MAGI2: variants seen among roughly 807,000 people sequenced by gnomAD.
MAGI2 encodes membrane associated guanylate kinase, WW and PDZ domain containing 2, also known as membrane-associated guanylate kinase, WW and PDZ domain-containing protein 2.
A neutral mutation model predicts 133.3 loss-of-function variants in MAGI2; 35 were observed. The ratio of observed to expected loss-of-function variants is 0.26; its 90% CI spans 0.20 to 0.35. The LOEUF (loss-of-function observed/expected upper bound fraction) is 0.35. Ranked by LOEUF, MAGI2 falls within the 10% of genes least tolerant of loss-of-function variation. The pLI, the probability that MAGI2 is intolerant of heterozygous loss-of-function variation, is 1.00. For missense variants in MAGI2, 1,636 were observed against 1,863.4 expected, an observed-to-expected ratio of 0.88 and a Z score of 2.25; for synonymous variants, 729 against 710.6, an observed-to-expected ratio of 1.03 and a Z score of -0.41.
chr7:79,285,120 C>T (rs1835908560), intron 1 of MAGI2, among the ~76,000 whole-genome samples: 1 of 151,984 alleles, frequency 6.6e-6, no homozygotes. Flanking sequence ...AAATTACACT[C>T]CATCTAAAAT....
chr7:78,385,997 C>T (rs200715335), intron 6 of MAGI2, among the ~76,000 whole-genome samples: 1 of 150,982 alleles, frequency 6.6e-6, no homozygotes, highest in Non-Finnish European at 1.5e-5. Context: ...AGCAAAACTT[C>T]CCCCCCTAGC....
Position 79,327,999 on chromosome 7 carries a change from T to C in MAGI2, c.301+125021A>G, listed in dbSNP as rs147421335. On this transcript the variant is annotated intron_variant, in intron 1 of 21. Coordinates refer to ENST00000354212, the MANE Select transcript of MAGI2 (RefSeq NM_012301.4). ...GGTATGAAAATTTCAATATATATCA[T>C]AACTTATTTAACTGGCCGTCCTCTG... is the stretch of plus-strand genomic sequence containing the variant. Among the ~76,000 whole-genome samples the C allele has an allele frequency of 2.9e-3, 447 of 152,292 alleles. 2 individuals are homozygous for C. The highest frequency in any genetic ancestry group is 4.6e-3 in the Admixed American group (71 of 15,272).
intron 10 of MAGI2, among the ~76,000 whole-genome samples, chr7:78,204,409 G>C (rs1418615549): frequency 6.6e-6 from 1 of 152,062 alleles, no homozygotes; most frequent in Non-Finnish European, 1.5e-5. Context: ...TTTTCATAGG[G>C]AAACAGGAAC....
At position 78,409,935 on chromosome 7, in the gene MAGI2, T is replaced by G. The variant is rs112354796; in HGVS notation, c.1046-40722A>C. Among the ~76,000 whole-genome samples the G allele has an allele frequency of 2.8e-3, 428 of 152,188 alleles. 2 individuals carry two copies. Among genetic ancestry groups the G allele is most frequent in the Non-Finnish European group, 3.6e-3 (247 of 67,978 alleles). On this transcript the variant is annotated intron_variant, in intron 6 of 21. Transcript: ENST00000354212. ...ATGTAAAATGTTAACTAGTTTGCTATATTTGATTAGAAAGAGTAGAAAAGA... is the reference window on the plus strand; with the variant it reads ...ATGTAAAATGTTAACTAGTTTGCTAGATTTGATTAGAAAGAGTAGAAAAGA...
chr7:78,937,494 A>G (rs1162501364), intron 2 of MAGI2, among the ~76,000 whole-genome samples: 1 of 152,172 alleles, frequency 6.6e-6, no homozygotes, highest in Non-Finnish European at 1.5e-5. Context: ...GTATTTTCAC[A>G]GTCTCCAAGT....
chr7:78,575,325 G>T (rs1322688221), intron 3 of MAGI2, among the ~76,000 whole-genome samples: 1 of 151,974 alleles, frequency 6.6e-6, no homozygotes, highest in Non-Finnish European at 1.5e-5. Flanking sequence ...ATTACTTTTT[G>T]CACCAACCTA....
At chr7:78,201,096 C>T in intron 11 of MAGI2, 66 bp downstream of exon 11, 1 of 1,122,362 alleles carries the variant, frequency 8.9e-7, no homozygotes, top group Non-Finnish European at 1.3e-6. Context: ...CCCAATTCAA[C>T]TTTTATTAAA....
At chr7:78,502,652 A>G (rs568593492) in intron 4 of MAGI2, among the ~76,000 whole-genome samples, 1 of 152,138 alleles carries the variant, frequency 6.6e-6, no homozygotes, top group African/African-American at 2.4e-5. Flanking sequence ...GTTTTTTTGT[A>G]TAGTATATAT....
At position 79,104,390 on chromosome 7, in the gene MAGI2, C is replaced by T. The variant is rs149520804; in HGVS notation, c.302-97184G>A. Among the ~76,000 whole-genome samples the T allele has an allele frequency of 1.2e-4, 18 of 152,152 alleles. 1 individual carries two copies. The East Asian group carries it at 1.4e-3, about 11-fold the overall frequency. ...TTTAAATAAAAAACAATTTTTAGGC[C>T]GGGCGCCGTGGCTCTTACCTGTAAT... On this transcript the variant is annotated intron_variant, in intron 1 of 21. Coordinates refer to ENST00000354212, the MANE Select transcript of MAGI2 (RefSeq NM_012301.4).
chr7:78,074,751 A>G (rs537454557), intron 21 of MAGI2, among the ~76,000 whole-genome samples: 1 of 152,354 alleles, frequency 6.6e-6, no homozygotes, highest in East Asian at 1.9e-4. Flanking sequence ...GTGAAAGAAG[A>G]CAAGAAATTC....
At chr7:79,334,674 C>A (rs1015100184) in intron 1 of MAGI2, among the ~76,000 whole-genome samples, 1 of 152,092 alleles carries the variant, frequency 6.6e-6, no homozygotes, top group Non-Finnish European at 1.5e-5. Flanking sequence ...TTACCTCTAG[C>A]CATATTGCTC....
chr7:78,019,276 C>T lies in MAGI2; in HGVS notation c.*39G>A, dbSNP rs1253642767. 7.0e-6 allele frequency: 11 copies of T among 1,574,386 alleles called. No homozygotes were observed. Among genetic ancestry groups the T allele is most frequent in the Non-Finnish European group, 8.6e-6 (10 of 1,169,334 alleles). ...GTGAGACGGAACCTAAGAAGAACTG[C>T]CTGCGCCGGGGCGGGCGGGTTGGCC... On this transcript the variant is annotated 3_prime_UTR_variant, in exon 22 of 22. Coordinates refer to ENST00000354212, the MANE Select transcript of MAGI2 (RefSeq NM_012301.4).
intron 1 of MAGI2, among the ~76,000 whole-genome samples, chr7:79,039,898 A>G (rs1811499010): frequency 2.0e-5 from 3 of 148,018 alleles, no homozygotes. Context: ...TATACAATGA[A>G]ATATTATTCA....
At chr7:79,060,357 TA>T (rs869158500) in intron 1 of MAGI2, among the ~76,000 whole-genome samples, 11 of 151,654 alleles carry the variant, frequency 7.3e-5, no homozygotes, top group South Asian at 4.2e-4. Flanking sequence ...CATATTTTTT[TA>T]AAAAAAAACT....
chr7:78,609,958 G>A (rs1806260531), intron 3 of MAGI2, among the ~76,000 whole-genome samples: 1 of 152,000 alleles, frequency 6.6e-6, no homozygotes, highest in African/African-American at 2.4e-5. Flanking sequence ...ATCTCTTGGT[G>A]GCAGCATTCC....
Position 78,781,438 on chromosome 7 carries a change from TA to T in MAGI2, c.419-154200del, listed in dbSNP as rs567673884. On this transcript the variant is annotated intron_variant, in intron 2 of 21. Transcript: ENST00000354212. Reference sequence around the variant, plus strand: ...GGTTAAATGTGAAGAGCCTACTATGTAAAAAAAATTTGCATAAAGGCTTGAA... The same window carrying T: ...GGTTAAATGTGAAGAGCCTACTATGTAAAAAAATTTGCATAAAGGCTTGAA... Among the ~76,000 whole-genome samples, 17 of 149,862 alleles carry T rather than the reference TA, an allele frequency of 1.1e-4. No individual in the cohort carries two copies. In the East Asian group the frequency reaches 3.1e-3, roughly 28 times the overall value.
intron 2 of MAGI2, among the ~76,000 whole-genome samples, chr7:78,985,917 T>G (rs1234413883): frequency 6.6e-6 from 1 of 152,066 alleles, no homozygotes; most frequent in Non-Finnish European, 1.5e-5. Context: ...CTTTGTTAAT[T>G]CAGTGAAAAT....
At chr7:78,713,264 T>A (rs1272524941) in intron 2 of MAGI2, among the ~76,000 whole-genome samples, 16 of 152,298 alleles carry the variant, frequency 1.1e-4, no homozygotes, top group African/African-American at 3.1e-4. Context: ...AAAGTGCTAA[T>A]TAAATAATTC....
chr7:78,887,345 T>G (rs537217686), intron 2 of MAGI2, among the ~76,000 whole-genome samples: 274 of 152,358 alleles, frequency 1.8e-3, no homozygotes, highest in Non-Finnish European at 3.3e-3. Context: ...AATGTGGTAG[T>G]TTCAAGTTCA....
Sources: allele counts gnomAD v4.1 joint callset (sites outside exome capture counted in the v4.1 genomes callset), GRCh38; gene constraint gnomAD v4.1.1; transcripts MANE v1.5; gene names NCBI Gene and HGNC (gene_info 2026-07-23, HGNC 2026-07-21).